PRELID2: variants seen among roughly 807,000 people sequenced by gnomAD.
PRELID2 encodes PRELI domain containing 2, also known as PRELI domain-containing protein 2.
Under a neutral mutation model 28.4 loss-of-function variants are expected in PRELID2, and 25 were observed. The observed-to-expected ratio is 0.88, with a 90% confidence interval of 0.64 to 1.23. The LOEUF is 1.23. Among genes scored for constraint, PRELID2 ranks in the 50% most tolerant of loss-of-function variants. The pLI is 0.00. For missense variants in PRELID2, 201 were observed against 214.4 expected (o/e 0.94, Z 0.39); for synonymous variants, 76 against 71.6 (o/e 1.06, Z -0.31).
At chr5:145,339,118 T>C in the PRELID2 span, among the ~76,000 whole-genome samples, 3 of 152,200 alleles carry the variant, frequency 2.0e-5, no homozygotes, top group African/African-American at 7.2e-5. Context: ...AACTTAAGAA[T>C]TGACTAGCAG....
At chr5:145,835,099 C>T in intron 1 of PRELID2, 78 bp downstream of exon 1, 1 of 1,009,064 alleles carries the variant, frequency 9.9e-7, no homozygotes. Context: ...GTGCCAGCTT[C>T]CGCGTGGATG....
At chr5:145,384,895 G>T in the PRELID2 span, among the ~76,000 whole-genome samples, 998 of 152,206 alleles carry the variant, frequency 6.6e-3, 15 homozygotes, top group African/African-American at 0.023. Context: ...CCATCTTCAT[G>T]ATCCATTCAC....
At chr5:145,558,978 G>A (rs1752903416) in intron 1 of PRELID2, among the ~76,000 whole-genome samples, 1 of 152,168 alleles carries the variant, frequency 6.6e-6, no homozygotes, top group Non-Finnish European at 1.5e-5. Flanking sequence ...TTTGGGGCCG[G>A]GCACAGTGGC....
intron 1 of PRELID2, among the ~76,000 whole-genome samples, chr5:145,668,453 A>G (rs1754640673): frequency 6.6e-6 from 1 of 151,984 alleles, no homozygotes; most frequent in South Asian, 2.1e-4. Context: ...TTTAAAAAAA[A>G]AGGCAGTATA....
At chr5:145,503,903 G>A (rs903522706) in intron 1 of PRELID2, among the ~76,000 whole-genome samples, 2 of 152,142 alleles carry the variant, frequency 1.3e-5, no homozygotes, top group African/African-American at 4.8e-5. Context: ...TGCTTCTAAA[G>A]AAGGAACTGG....
At chr5:145,231,214 CTTTTT>C in the PRELID2 span, among the ~76,000 whole-genome samples, 3 of 147,132 alleles carry the variant, frequency 2.0e-5, no homozygotes, top group African/African-American at 7.5e-5. Context: ...ATGATCCACT[CTTTTT>C]TTTTTTATTT....
At chr5:145,728,607 A>T in intron 1 of PRELID2, 1 of 993,560 alleles carries the variant, frequency 1.0e-6, no homozygotes, top group South Asian at 1.3e-5. Flanking sequence ...CAAAACAATG[A>T]CCACTGTAAC....
At chr5:145,398,239 T>G in the PRELID2 span, among the ~76,000 whole-genome samples, 4 of 152,120 alleles carry the variant, frequency 2.6e-5, no homozygotes, top group Non-Finnish European at 4.4e-5. Context: ...ACAGAAGATT[T>G]CATGTCCCCT....
chr5:145,314,614 A>C, the PRELID2 span, among the ~76,000 whole-genome samples: 1 of 152,026 alleles, frequency 6.6e-6, no homozygotes, highest in Non-Finnish European at 1.5e-5. Flanking sequence ...GAACAATATA[A>C]ATAATATAAT....
chr5:145,729,599 T>C (rs1473535998), intron 1 of PRELID2, among the ~76,000 whole-genome samples: 1 of 152,206 alleles, frequency 6.6e-6, no homozygotes, highest in East Asian at 1.9e-4. Context: ...TGTCCCATTG[T>C]TACCCTGGTT....
In PRELID2 at chr5:145,512,597, G is replaced by A. The variant is rs931530248; in HGVS notation, n.71-39282C>T. ...AATGTTCTTGCCTGCCAGCTCTGAA[G>A]AGAGCAGCGGATGTCCCAGCACAGT... On this transcript the variant is annotated intron_variant and non_coding_transcript_variant, in intron 1 of 2. Coordinates refer to the PRELID2 transcript ENST00000510259. 8.9e-4 allele frequency among the ~76,000 whole-genome samples: 135 copies of A among 152,220 alleles called. 1 individual carries two copies. Among genetic ancestry groups the A allele is most frequent in the African/African-American group, 3.2e-3 (133 of 41,464 alleles).
the PRELID2 span, among the ~76,000 whole-genome samples, chr5:145,326,843 A>C: frequency 6.6e-6 from 1 of 152,148 alleles, no homozygotes; most frequent in Non-Finnish European, 1.5e-5. Context: ...AAAAAAAAAG[A>C]AACTGATGCA....
At chr5:145,782,099 C>G (rs1395563707) in intron 5 of PRELID2, among the ~76,000 whole-genome samples, 1 of 152,136 alleles carries the variant, frequency 6.6e-6, no homozygotes, top group Non-Finnish European at 1.5e-5. Flanking sequence ...ACTAAGAAAG[C>G]AAGTCTCATA....
the PRELID2 span, among the ~76,000 whole-genome samples, chr5:145,333,535 C>T: frequency 6.6e-6 from 1 of 152,134 alleles, no homozygotes. Context: ...TGGGCTCCTC[C>T]CAGTTCAAAC....
chr5:145,537,216 C>A (rs1242137577), intron 1 of PRELID2, among the ~76,000 whole-genome samples: 1 of 151,746 alleles, frequency 6.6e-6, no homozygotes, highest in Non-Finnish European at 1.5e-5. Flanking sequence ...ACAAAGGACC[C>A]CAAGTACCTT....
At chr5:145,799,641 A>G (rs1000247377) in intron 4 of PRELID2, among the ~76,000 whole-genome samples, 8 of 152,252 alleles carry the variant, frequency 5.3e-5, no homozygotes, top group African/African-American at 1.7e-4. Flanking sequence ...TGCCCAGTAC[A>G]TGGTATGGGG....
At chr5:145,507,636 C>T (rs1375454222) in intron 1 of PRELID2, among the ~76,000 whole-genome samples, 1 of 152,130 alleles carries the variant, frequency 6.6e-6, no homozygotes. Flanking sequence ...CCCCCATGGC[C>T]CTCTAGTGTT....
At chr5:145,690,912 A>G (rs1020066590) in intron 1 of PRELID2, among the ~76,000 whole-genome samples, 2 of 152,174 alleles carry the variant, frequency 1.3e-5, no homozygotes, top group Non-Finnish European at 2.9e-5. Flanking sequence ...CCTCACTAGC[A>G]ATCAAAGAAA....
At chr5:145,821,705 C>T (rs1754843800) in intron 2 of PRELID2, among the ~76,000 whole-genome samples, 1 of 152,228 alleles carries the variant, frequency 6.6e-6, no homozygotes, top group African/African-American at 2.4e-5. Context: ...TTGGCCATCT[C>T]ATCCAGTGTT....
Sources: allele counts gnomAD v4.1 joint callset (sites outside exome capture counted in the v4.1 genomes callset), GRCh38; gene constraint gnomAD v4.1.1; transcripts MANE v1.5; gene names NCBI Gene and HGNC (gene_info 2026-07-23, HGNC 2026-07-21).